Variants in PRSS38 observed in about 807,000 individuals in gnomAD.
PRSS38 encodes the protein serine protease 38.
In PRSS38, 22 loss-of-function variants were observed where a neutral mutation model predicts 26.8. The observed-to-expected ratio is 0.82, with a 90% CI of 0.59 to 1.17. The LOEUF (loss-of-function observed/expected upper bound fraction) is 1.17, where lower values mean the gene tolerates loss of function less well. PRSS38 is among the 50% of genes most tolerant of loss of function. The probability of loss-of-function intolerance (pLI) is 0.00; values close to 1 mark genes in which losing one functional copy is unlikely to be tolerated. For missense variants in PRSS38, 427 were observed against 422.7 expected, an observed-to-expected ratio of 1.01 and a Z score of -0.09; for synonymous variants, 175 against 172.1, an observed-to-expected ratio of 1.02 and a Z score of -0.13.
intron 3 of PRSS38, among the ~76,000 whole-genome samples, chr1:227,840,549 T>C (rs1389474323): frequency 6.6e-6 from 1 of 152,216 alleles, no homozygotes; most frequent in African/African-American, 2.4e-5. Flanking sequence ...CCCATTTATT[T>C]ACATATTGTC....
chr1:227,846,111 C>G (rs144968143), exon 5 of PRSS38: 11 of 1,614,014 alleles, frequency 6.8e-6, no homozygotes, highest in Middle Eastern at 3.3e-4. Context: ...ATAGAAATCA[C>G]GCCCACTCCT....
Position 227,816,021 on chromosome 1 carries a change from G to A in PRSS38, c.149-69G>A, listed in dbSNP as rs562981680. On this transcript the variant is annotated intron_variant, in intron 1 of 4. Transcript: ENST00000366757. This position sits in a 1 kb window ranked among gnomAD's most constrained non-coding sequence, Gnocchi z 5.1. ...CCTGTGTCCCCTGCCCCTCCCCCAC[G>A]TCCCCTGCCTGCCCTACCTCTCCCG... is the stretch of plus-strand genomic sequence containing the variant. 1.2e-4 allele frequency: 127 copies of A among 1,047,554 alleles called. No individual in the cohort carries two copies. Among genetic ancestry groups the A allele is most frequent in the Middle Eastern group, 1.0e-3 (3 of 3,012 alleles). 64.9% of individuals were successfully genotyped at this position (1,047,554 alleles called of 1,614,324 possible). A position where few individuals can be genotyped will look rare whatever the true frequency, so the allele number is the denominator to read the frequency against.
At chr1:227,845,354 A>G (rs1665410306) in intron 3 of PRSS38, 116 bp from the exon 4 acceptor site, 1 of 683,088 alleles carries the variant, frequency 1.5e-6, no homozygotes, top group Non-Finnish European at 2.5e-6. Flanking sequence ...GCTCCTTCCT[A>G]CGTATAGTGG....
intron 3 of PRSS38, among the ~76,000 whole-genome samples, chr1:227,827,712 G>C (rs1429745091): frequency 6.6e-6 from 1 of 151,288 alleles, no homozygotes; most frequent in South Asian, 2.1e-4. Flanking sequence ...TCTGATCTTG[G>C]TTATTTCTTG....
intron 3 of PRSS38, among the ~76,000 whole-genome samples, chr1:227,823,992 A>G (rs1170008580): frequency 6.6e-6 from 1 of 152,192 alleles, no homozygotes; most frequent in African/African-American, 2.4e-5. Context: ...GCTGGATTGA[A>G]TGGTAGCTCT....
At chr1:227,840,329 C>T (rs1450888687) in intron 3 of PRSS38, among the ~76,000 whole-genome samples, 1 of 152,028 alleles carries the variant, frequency 6.6e-6, no homozygotes, top group African/African-American at 2.4e-5. Context: ...CACTATGTTG[C>T]CCAGGCTGGT....
intron 3 of PRSS38, among the ~76,000 whole-genome samples, chr1:227,818,598 A>G (rs1664955939): frequency 6.9e-6 from 1 of 145,842 alleles, no homozygotes; most frequent in Admixed American, 7.1e-5. Context: ...AGATCTCTTG[A>G]TCCCAGAAGG....
At chr1:227,818,190 G>T (rs975228313) in intron 3 of PRSS38, among the ~76,000 whole-genome samples, 21 of 152,054 alleles carry the variant, frequency 1.4e-4, no homozygotes, top group Non-Finnish European at 2.5e-4. Context: ...TGCTTATAAT[G>T]GTTCACTATA....
intron 3 of PRSS38, among the ~76,000 whole-genome samples, chr1:227,823,860 T>C (rs1033704255): frequency 6.6e-6 from 1 of 152,212 alleles, no homozygotes; most frequent in African/African-American, 2.4e-5. Context: ...TTTATAGCTA[T>C]GCAAAACAGA....
At chr1:227,832,034 A>G (rs923167623) in intron 3 of PRSS38, among the ~76,000 whole-genome samples, 1 of 152,202 alleles carries the variant, frequency 6.6e-6, no homozygotes, top group Non-Finnish European at 1.5e-5. Flanking sequence ...TGATTATCTT[A>G]TCATTTAATC....
Position 227,822,722 on chromosome 1 carries a change from T to C in PRSS38, c.583+5242T>C, listed in dbSNP as rs573480797. Among the ~76,000 whole-genome samples the C allele has an allele frequency of 2.6e-5, 4 of 152,344 alleles. No individual in the cohort carries two copies. The East Asian group carries it at 7.7e-4, about 29-fold the overall frequency. ...CAACAAAACCAAAAATCTCTTCTTA[T>C]GATCTTTGCAGGTTGGTCTGTGCCA... On this transcript the variant is annotated intron_variant, in intron 3 of 4. Transcript: ENST00000366757.
At chr1:227,822,422 T>C (rs146127584) in intron 3 of PRSS38, among the ~76,000 whole-genome samples, 51 of 152,274 alleles carry the variant, frequency 3.3e-4, no homozygotes, top group Admixed American at 9.8e-4. Flanking sequence ...AACAGGAGTG[T>C]TGAGTTTTAT....
intron 1 of PRSS38, 100 bp from the exon 2 acceptor site, chr1:227,815,990 C>A: frequency 6.6e-7 from 1 of 1,510,312 alleles, no homozygotes; most frequent in Non-Finnish European, 9.0e-7. Context: ...CCTGCCTTCC[C>A]TTCCTCCTGT....
chr1:227,844,561 T>C (rs1665386811), intron 3 of PRSS38, among the ~76,000 whole-genome samples: 1 of 142,152 alleles, frequency 7.0e-6, no homozygotes, highest in African/African-American at 3.0e-5. Context: ...CTCCTCCCTA[T>C]GTGTGGTCAA....
At chr1:227,828,745 C>T (rs1489717842) in intron 3 of PRSS38, among the ~76,000 whole-genome samples, 2 of 124,340 alleles carry the variant, frequency 1.6e-5, no homozygotes, top group African/African-American at 5.0e-5. Flanking sequence ...TGTTCCTTCT[C>T]ACAAGGGACC....
chr1:227,832,141 C>T (rs6426478), intron 3 of PRSS38, among the ~76,000 whole-genome samples: 111,485 of 152,100 alleles, frequency 0.73, 41,395 homozygotes, highest in African/African-American at 0.8. Flanking sequence ...ACTATTTGCA[C>T]GGATATCTTT....
chr1:227,832,017 G>C (rs1665160356), intron 3 of PRSS38, among the ~76,000 whole-genome samples: 1 of 152,080 alleles, frequency 6.6e-6, no homozygotes, highest in African/African-American at 2.4e-5. Flanking sequence ...ATGTCTACTT[G>C]GTGTGTTGAT....
intron 3 of PRSS38, among the ~76,000 whole-genome samples, chr1:227,844,943 G>A (rs1421480317): frequency 7.1e-6 from 1 of 140,946 alleles, no homozygotes; most frequent in East Asian, 2.2e-4. Context: ...CCTATGTGTG[G>A]TGGGACTCCT....
At chr1:227,845,739 C>A in intron 4 of PRSS38, 127 bp downstream of exon 4, 1 of 1,254,266 alleles carries the variant, frequency 8.0e-7, no homozygotes, top group Non-Finnish European at 1.1e-6. Flanking sequence ...CTGAGCAGGG[C>A]GATGTATGAC....
Sources: gnomAD v4.1 joint callset for allele counts (sites outside exome capture counted in the v4.1 genomes callset) on GRCh38, gnomAD v4.1.1 for gene constraint, Gnocchi (gnomAD v3.1) non-coding constraint, MANE v1.5 for transcripts, NCBI Gene and HGNC (gene_info 2026-07-23, HGNC 2026-07-21) for gene names.